Variants in MRGPRX3 observed in about 807,000 individuals in gnomAD.
MRGPRX3 encodes MAS related GPR family member X3.
In MRGPRX3, 14 loss-of-function variants were observed where a neutral mutation model predicts 16.5. That is an observed-to-expected ratio of 0.85 (90% CI 0.56 to 1.33). The LOEUF (loss-of-function observed/expected upper bound fraction) is 1.33. MRGPRX3 is among the 40% of genes most tolerant of loss of function. The pLI is 0.00. For synonymous variants in MRGPRX3, 199 were observed against 180.1 expected, an observed-to-expected ratio of 1.10 and a Z score of -0.84; for missense variants, 449 against 413.0, an observed-to-expected ratio of 1.09 and a Z score of -0.76.
chr11:18,131,796 G>A (rs776985616), upstream of MRGPRX3, among the ~76,000 whole-genome samples: 5 of 152,224 alleles, frequency 3.3e-5, no homozygotes, highest in South Asian at 1.0e-3. Flanking sequence ...TCTAAGTGGG[G>A]TAACTCAGGA....
upstream of MRGPRX3, among the ~76,000 whole-genome samples, chr11:18,130,225 G>A (rs1848947812): frequency 6.6e-6 from 1 of 152,088 alleles, no homozygotes; most frequent in African/African-American, 2.4e-5. Context: ...AATCAATAAA[G>A]AGGAAGTCAA....
At chr11:18,125,374 T>G (rs1396489870) in intron 1 of MRGPRX3, among the ~76,000 whole-genome samples, 2 of 152,208 alleles carry the variant, frequency 1.3e-5, no homozygotes, top group Non-Finnish European at 2.9e-5. Flanking sequence ...GTCCCAGAGA[T>G]TCTGGTATGT....
Position 18,137,564 on chromosome 11 carries a change from G to T in MRGPRX3, c.362G>T (p.Cys121Phe). The change falls in exon 2 of 2, where the codon TGC becomes TTC. Residue 121 changes from cysteine to phenylalanine, a missense_variant. Coordinates refer to ENST00000621697, the MANE Select transcript of MRGPRX3 (RefSeq NM_001370464.1). The part of the protein sequence containing the change: ...SMLSAISTER[C>F]LSILWPIWYH... ...CTGAGCGCCATCAGCACCGAGCGCT[G>T]CCTGTCCATCCTGTGGCCCATCTGG... is the stretch of plus-strand genomic sequence containing the variant. 6.2e-7 allele frequency: 1 copy of T among 1,614,132 alleles called. No homozygotes were observed. Among genetic ancestry groups the T allele is most frequent in the Non-Finnish European group, 8.5e-7 (1 of 1,180,036 alleles).
chr11:18,133,884 T>C (rs1366749579), intron 1 of MRGPRX3, among the ~76,000 whole-genome samples: 1 of 152,204 alleles, frequency 6.6e-6, no homozygotes, highest in African/African-American at 2.4e-5. Context: ...TCCCAGTGTC[T>C]CAATTCCACC....
At chr11:18,127,842 G>T (rs1236724891), upstream of MRGPRX3, among the ~76,000 whole-genome samples, 10 of 152,186 alleles carry the variant, frequency 6.6e-5, no homozygotes, top group Non-Finnish European at 1.2e-4. Flanking sequence ...AGGAGGAGAG[G>T]TGCTCTGATT....
chr11:18,122,950 T>G (rs1408086795), intron 1 of MRGPRX3, among the ~76,000 whole-genome samples: 4 of 152,164 alleles, frequency 2.6e-5, no homozygotes. Flanking sequence ...ATGGTGAGCA[T>G]TTTTTCATGT....
chr11:18,131,377 C>A (rs1423889551), upstream of MRGPRX3, among the ~76,000 whole-genome samples: 1 of 151,964 alleles, frequency 6.6e-6, no homozygotes, highest in East Asian at 1.9e-4. Context: ...GGGCTAAGGA[C>A]ATGAATAGAC....
At chr11:18,136,096 C>T (rs1849005380) in intron 1 of MRGPRX3, among the ~76,000 whole-genome samples, 1 of 152,152 alleles carries the variant, frequency 6.6e-6, no homozygotes, top group South Asian at 2.1e-4. Context: ...CTCATGGACT[C>T]CTCTCATACA....
chr11:18,134,419 C>T (rs1191411507), intron 1 of MRGPRX3, among the ~76,000 whole-genome samples: 1 of 152,212 alleles, frequency 6.6e-6, no homozygotes, highest in South Asian at 2.1e-4. Flanking sequence ...TGAAAAACTA[C>T]AATATAACAA....
At chr11:18,126,004 T>C (rs1438643866) in intron 1 of MRGPRX3, among the ~76,000 whole-genome samples, 27 of 152,212 alleles carry the variant, frequency 1.8e-4, no homozygotes, top group Admixed American at 1.8e-3. Flanking sequence ...GAGACTAGAA[T>C]TGCAACCCCT....
chr11:18,137,630 G>A lies in MRGPRX3; in HGVS notation c.428G>A (p.Cys143Tyr). 6.2e-7 allele frequency: 1 copy of A among 1,614,166 alleles called. No individual in the cohort carries two copies. The highest frequency in any genetic ancestry group is 8.5e-7 in the Non-Finnish European group (1 of 1,180,034). ...CCCAGATACCTGTCATCAGTCATGT[G>A]TGTCCTGCTCTGGGCCCTGTCCCTG... ...RRPRYLSSVM[C>Y]VLLWALSLLR... is the part of the protein sequence containing the mutation. The change falls in exon 2 of 2, where the codon TGT becomes TAT. Residue 143 changes from cysteine to tyrosine, a missense_variant. Transcript: ENST00000621697.
chr11:18,137,757 T>C lies in MRGPRX3; in HGVS notation c.555T>C (p.Val185=), dbSNP rs1371801986. The part of the protein sequence containing the change: ...TSDFITIAWL[V]FLCVVLCGSS... ...ATTTCATTACAATCGCGTGGCTGGTTTTTTTATGTGTGGTTCTCTGTGGGT... is the reference window on the plus strand; with the variant it reads ...ATTTCATTACAATCGCGTGGCTGGTCTTTTTATGTGTGGTTCTCTGTGGGT... Residue 185 remains valine, a synonymous_variant, in exon 2 of 2, where the codon GTT becomes GTC. Transcript: ENST00000621697. 7.4e-6 allele frequency: 12 copies of C among 1,613,992 alleles called. No homozygotes were observed. Among genetic ancestry groups the C allele is most frequent in the Non-Finnish European group, 1.0e-5 (12 of 1,180,034 alleles).
intron 1 of MRGPRX3, among the ~76,000 whole-genome samples, chr11:18,134,464 C>T (rs1471626088): frequency 2.0e-5 from 3 of 152,118 alleles, no homozygotes; most frequent in African/African-American, 4.8e-5. Flanking sequence ...GTCAGTTATT[C>T]TAAATAACTT....
At chr11:18,135,551 C>T (rs1203724110) in intron 1 of MRGPRX3, among the ~76,000 whole-genome samples, 3 of 152,178 alleles carry the variant, frequency 2.0e-5, no homozygotes, top group African/African-American at 4.8e-5. Flanking sequence ...CCAGAGCAAA[C>T]GTGGCCTCTG....
chr11:18,124,796 C>A (rs190293975), intron 1 of MRGPRX3, among the ~76,000 whole-genome samples: 1 of 151,994 alleles, frequency 6.6e-6, no homozygotes, highest in East Asian at 1.9e-4. Context: ...TGGTAGAATT[C>A]GGCTGTGAAT....
chr11:18,133,948 T>C (rs1204542266), intron 1 of MRGPRX3, among the ~76,000 whole-genome samples: 1 of 152,176 alleles, frequency 6.6e-6, no homozygotes, highest in East Asian at 1.9e-4. Context: ...AGCCACTCTC[T>C]TGGGATGTCA....
intron 1 of MRGPRX3, among the ~76,000 whole-genome samples, chr11:18,124,085 T>G (rs1167229382): frequency 3.3e-5 from 5 of 152,238 alleles, no homozygotes; most frequent in Non-Finnish European, 5.9e-5. Context: ...AAGGAGATTT[T>G]GGGCTGAGAC....
intron 1 of MRGPRX3, among the ~76,000 whole-genome samples, chr11:18,133,918 C>G (rs568858878): frequency 6.6e-6 from 1 of 152,234 alleles, no homozygotes; most frequent in East Asian, 1.9e-4. Context: ...AAAAAGAATC[C>G]CACTGATGTG....
At chr11:18,124,591 A>C (rs1848871954) in intron 1 of MRGPRX3, among the ~76,000 whole-genome samples, 1 of 152,164 alleles carries the variant, frequency 6.6e-6, no homozygotes, top group Non-Finnish European at 1.5e-5. Flanking sequence ...TCAGTTTGCC[A>C]GTATTTTATT....
Sources: gnomAD v4.1 joint callset for allele counts (sites outside exome capture counted in the v4.1 genomes callset) on GRCh38, gnomAD v4.1.1 for gene constraint, MANE v1.5 for transcripts, NCBI Gene and HGNC (gene_info 2026-07-23, HGNC 2026-07-21) for gene names.